ZNF236: variants seen among roughly 807,000 people sequenced by gnomAD.
ZNF236 encodes regulated by glucose.
ZNF236 carries 50 observed loss-of-function variants against 191.2 expected under a neutral mutation model. The ratio of observed to expected loss-of-function variants is 0.26; its 90% CI spans 0.21 to 0.33. The LOEUF is 0.33. Among genes scored for constraint, ZNF236 ranks in the 10% least tolerant of loss-of-function variants. ZNF236 has a pLI of 1.00. For synonymous variants in ZNF236, 907 were observed against 928.8 expected (o/e 0.98, Z 0.43); for missense variants, 1,754 against 2,374.5 (o/e 0.74, Z 5.43).
intron 9 of ZNF236, among the ~76,000 whole-genome samples, chr18:76,883,845 ATATCT>A (rs1225382578): frequency 1.3e-5 from 2 of 152,204 alleles, no homozygotes; most frequent in Non-Finnish European, 2.9e-5. Flanking sequence ...GTATCATTTG[ATATCT>A]TAGAAAGACC....
At chr18:76,923,357 A>T (rs186806858) in intron 21 of ZNF236, among the ~76,000 whole-genome samples, 183 bp downstream of exon 21, 3 of 152,310 alleles carry the variant, frequency 2.0e-5, no homozygotes, top group East Asian at 1.9e-4. Flanking sequence ...TGTCCAAATG[A>T]CACTAAGAAA....
chr18:76,844,530 A>C (rs1010527779), intron 1 of ZNF236, among the ~76,000 whole-genome samples: 1 of 152,220 alleles, frequency 6.6e-6, no homozygotes, highest in African/African-American at 2.4e-5. Context: ...AAACAAAAAC[A>C]TAAAAAGCTT....
intron 16 of ZNF236, among the ~76,000 whole-genome samples, 178 bp from the exon 17 acceptor site, chr18:76,912,066 G>A (rs1479575990): frequency 6.6e-6 from 1 of 152,170 alleles, no homozygotes; most frequent in African/African-American, 2.4e-5. Flanking sequence ...AATAAAATCT[G>A]TATAAGTGAT....
intron 4 of ZNF236, among the ~76,000 whole-genome samples, chr18:76,869,731 G>A (rs566213554): frequency 1.3e-5 from 2 of 152,236 alleles, no homozygotes; most frequent in East Asian, 1.9e-4. Flanking sequence ...CAGGGCAGGC[G>A]GATCACCTGA....
intron 1 of ZNF236, among the ~76,000 whole-genome samples, chr18:76,847,169 C>T (rs1568192869): frequency 6.6e-6 from 1 of 152,150 alleles, no homozygotes; most frequent in African/African-American, 2.4e-5. Flanking sequence ...TTAATTCCTT[C>T]TCATTTTTGG....
intron 27 of ZNF236, among the ~76,000 whole-genome samples, chr18:76,947,976 T>C (rs1179948898): frequency 2.0e-5 from 3 of 152,200 alleles, no homozygotes; most frequent in Non-Finnish European, 4.4e-5. Flanking sequence ...CTGATCAGAC[T>C]TCACATATCC....
At chr18:76,935,099 A>T (rs1967958535) in intron 25 of ZNF236, among the ~76,000 whole-genome samples, 1 of 152,236 alleles carries the variant, frequency 6.6e-6, no homozygotes, top group Non-Finnish European at 1.5e-5. Flanking sequence ...TTTCATGCTA[A>T]GAGTATTTAA....
intron 9 of ZNF236, among the ~76,000 whole-genome samples, chr18:76,893,219 C>T (rs997624588): frequency 6.6e-6 from 1 of 152,208 alleles, no homozygotes; most frequent in South Asian, 2.1e-4. Context: ...TATAGTCTCT[C>T]ATACCCTTTT....
At chr18:76,900,547 A>G (rs1247229276) in intron 11 of ZNF236, among the ~76,000 whole-genome samples, 2 of 152,190 alleles carry the variant, frequency 1.3e-5, no homozygotes, top group African/African-American at 4.8e-5. Context: ...TATAGGATAC[A>G]ATCTTTGATT....
chr18:76,864,765 TC>T (rs1976356715), intron 3 of ZNF236, among the ~76,000 whole-genome samples: 1 of 151,464 alleles, frequency 6.6e-6, no homozygotes, highest in Non-Finnish European at 1.5e-5. Flanking sequence ...AATAAGGTTT[TC>T]CGTACTTCTC....
rs73968236 is a variant in ZNF236 at position 76,941,186 on chromosome 18, C to G, written c.4782+3843C>G. Among the ~76,000 whole-genome samples, 1,220 of 152,234 alleles carry G rather than the reference C, an allele frequency of 8.0e-3. 20 individuals carry two copies. Among genetic ancestry groups the G allele is most frequent in the African/African-American group, 0.028 (1,151 of 41,548 alleles). ...GCCTTGTGAGCGGGCAGGTGGTTCT[C>G]CAAGCAGGTTCTTGAGGAAGGGCTG... On this transcript the variant is annotated intron_variant, in intron 26 of 30. Transcript: ENST00000320610.
At chr18:76,930,542 G>C (rs1488467285) in intron 25 of ZNF236, among the ~76,000 whole-genome samples, 1 of 152,168 alleles carries the variant, frequency 6.6e-6, no homozygotes, top group Non-Finnish European at 1.5e-5. Context: ...AACGGGTTTT[G>C]AATCAAGCAA....
chr18:76,834,579 GTGCACAGTTGGGGTGAATGCCTGTA>G (rs1975267252), intron 1 of ZNF236: 5 of 475,836 alleles, frequency 1.1e-5, no homozygotes, highest in Non-Finnish European at 2.0e-5. Context: ...GAATGCCTGT[GTGCACAGTTGGGGTGAATGCCTGTA>G]TGCACAGTTG....
chr18:76,908,171 G>C (rs967503086), intron 13 of ZNF236, 149 bp from the exon 14 acceptor site: 2 of 1,105,628 alleles, frequency 1.8e-6, no homozygotes, highest in South Asian at 1.5e-5. Context: ...AATGTGTTCA[G>C]TTTTTACCTG....
intron 1 of ZNF236, among the ~76,000 whole-genome samples, chr18:76,828,532 G>C (rs1303133672): frequency 6.6e-6 from 1 of 152,206 alleles, no homozygotes; most frequent in African/African-American, 2.4e-5. Context: ...TCTGGTAACA[G>C]TGCAGTCCTT....
At chr18:76,892,627 G>A (rs546640534) in intron 9 of ZNF236, among the ~76,000 whole-genome samples, 16 of 152,242 alleles carry the variant, frequency 1.1e-4, no homozygotes, top group African/African-American at 3.6e-4. Context: ...GAGTGCAATG[G>A]TGCAGTCTTG....
chr18:76,832,783 T>G (rs1408975024), intron 1 of ZNF236, among the ~76,000 whole-genome samples: 1 of 152,214 alleles, frequency 6.6e-6, no homozygotes, highest in Non-Finnish European at 1.5e-5. Context: ...GGGATCTTGA[T>G]CAAATTATAT....
chr18:76,912,818 A>G (rs898838241), intron 17 of ZNF236, among the ~76,000 whole-genome samples: 1 of 152,144 alleles, frequency 6.6e-6, no homozygotes, highest in East Asian at 1.9e-4. Context: ...ATGTACAAGT[A>G]ATTTTTGTAT....
chr18:76,868,892 A>G, intron 4 of ZNF236, 29 bp downstream of exon 4: 1 of 1,556,040 alleles, frequency 6.4e-7, no homozygotes, highest in Non-Finnish European at 8.7e-7. Flanking sequence ...GCTTGGTCAA[A>G]AATCCATCTA....
Sources: allele counts gnomAD v4.1 joint callset (sites outside exome capture counted in the v4.1 genomes callset), GRCh38; gene constraint gnomAD v4.1.1; transcripts MANE v1.5; gene names NCBI Gene and HGNC (gene_info 2026-07-23, HGNC 2026-07-21).